Variants in ZYG11A observed in about 807,000 individuals in gnomAD.
ZYG11A encodes zyg-11 family member A, cell cycle regulator, also known as protein zyg-11 homolog A.
Under a neutral mutation model 77.2 loss-of-function variants are expected in ZYG11A, and 62 were observed. That is an observed-to-expected ratio of 0.80 (90% confidence interval 0.65 to 0.99). The LOEUF (loss-of-function observed/expected upper bound fraction) is 0.99, where lower values mean the gene tolerates loss of function less well. Ranked by LOEUF, ZYG11A falls within the 50% of genes least tolerant of loss-of-function variation. ZYG11A has a pLI of 0.00. For missense variants in ZYG11A, 828 were observed against 896.8 expected, an observed-to-expected ratio of 0.92 and a Z score of 0.98; for synonymous variants, 315 against 324.6, an observed-to-expected ratio of 0.97 and a Z score of 0.32.
rs912504029 is a variant in ZYG11A at position 52,864,050 on chromosome 1, C to A, written c.1219C>A (p.Leu407Ile). The A allele has an allele frequency of 1.5e-5, 23 of 1,551,706 alleles. No homozygotes were observed. In the African/African-American group the frequency reaches 2.3e-4, roughly 16 times the overall value. The change falls in exon 5 of 14, where the codon CTC becomes ATC. Residue 407 changes from leucine to isoleucine, a missense_variant. Leu to Ile is a conservative substitution (Grantham distance 5). Transcript: ENST00000371528. ...GCAGTTCACAGCCAGTGCTTGCGCTCTCAACCTAACACGCCAGGGCCTGGC... is the reference window on the plus strand; with the variant it reads ...GCAGTTCACAGCCAGTGCTTGCGCTATCAACCTAACACGCCAGGGCCTGGC... The part of the protein sequence containing the change: ...RVQFTASACA[L>I]NLTRQGLAKG...
At chr1:52,867,958 CTTTTT>C (rs1050261180) in intron 8 of ZYG11A, among the ~76,000 whole-genome samples, 181 bp downstream of exon 8, 1 of 98,178 alleles carries the variant, frequency 1.0e-5, no homozygotes, top group African/African-American at 4.9e-5. Context: ...CTCCACATTT[CTTTTT>C]TTTTTTTTTT....
intron 11 of ZYG11A, among the ~76,000 whole-genome samples, chr1:52,882,549 A>G (rs1465995120): frequency 2.0e-5 from 3 of 152,162 alleles, no homozygotes; most frequent in Admixed American, 6.5e-5. Flanking sequence ...TTGTTGGACC[A>G]TATTCTCCAG....
intron 3 of ZYG11A, among the ~76,000 whole-genome samples, chr1:52,858,177 A>G (rs1645854317): frequency 6.7e-6 from 1 of 149,498 alleles, no homozygotes; most frequent in Admixed American, 6.6e-5. Flanking sequence ...CGGGCAGATC[A>G]CTTGAGGTCA....
chr1:52,850,906 G>C (rs551454956), intron 1 of ZYG11A, among the ~76,000 whole-genome samples: 1 of 152,180 alleles, frequency 6.6e-6, no homozygotes, highest in South Asian at 2.1e-4. Context: ...CTGTTAGTTA[G>C]GTTATTTCAG....
intron 8 of ZYG11A, among the ~76,000 whole-genome samples, chr1:52,875,920 G>C (rs1646253983): frequency 6.6e-6 from 1 of 150,704 alleles, no homozygotes. Context: ...TCAAGTTTGA[G>C]GTGATTCAGT....
chr1:52,854,558 CTG>C lies in ZYG11A; in HGVS notation c.187_188del (p.Cys63ProfsTer27). 6.4e-7 allele frequency: 1 copy of C among 1,551,346 alleles called. No individual in the cohort carries two copies. Among genetic ancestry groups the C allele is most frequent in the East Asian group, 2.4e-5 (1 of 40,910 alleles). Reference sequence around the variant, plus strand: ...GTGTTCTGAAAGACCTGATGGAACACTGTGCCTTCCGGAGCATTGGAGTTTCC... The same window carrying C: ...GTGTTCTGAAAGACCTGATGGAACACTGCCTTCCGGAGCATTGGAGTTTCC... ...KLCSERPDGT[L>X]CLPEHWSFPQ... On this transcript the variant is annotated frameshift_variant, in exon 2 of 14. Coordinates refer to ENST00000371528, the MANE Select transcript of ZYG11A (RefSeq NM_001004339.3). LOFTEE classifies it high-confidence loss of function.
intron 6 of ZYG11A, 142 bp downstream of exon 6, chr1:52,866,709 C>A: frequency 1.9e-6 from 1 of 533,892 alleles, no homozygotes; most frequent in Non-Finnish European, 3.4e-6. Context: ...AAGTACCCTA[C>A]TAGAAAATGT....
At chr1:52,873,635 T>A (rs1374889053) in intron 8 of ZYG11A, among the ~76,000 whole-genome samples, 1 of 152,212 alleles carries the variant, frequency 6.6e-6, no homozygotes, top group Non-Finnish European at 1.5e-5. Context: ...TGACTTATTA[T>A]ATAAACCTGG....
chr1:52,878,030 A>G, intron 10 of ZYG11A, 61 bp downstream of exon 10: 1 of 1,368,028 alleles, frequency 7.3e-7, no homozygotes, highest in Non-Finnish European at 1.0e-6. Flanking sequence ...ACACTTATAT[A>G]GTACCTACTA....
At chr1:52,846,577 A>G (rs1196161144) in intron 1 of ZYG11A, among the ~76,000 whole-genome samples, 2 of 151,250 alleles carry the variant, frequency 1.3e-5, no homozygotes. Context: ...GGTTGAACTC[A>G]TGATCCATCC....
chr1:52,879,786 T>TTTATTTA (rs1321590959), intron 10 of ZYG11A, among the ~76,000 whole-genome samples: 2 of 60,560 alleles, frequency 3.3e-5, no homozygotes, highest in Non-Finnish European at 8.3e-5. Context: ...TTATTTATTT[T>TTTATTTA]TGTCTCGCTC....
chr1:52,857,003 C>G lies in ZYG11A; in HGVS notation c.262C>G (p.Leu88Val). The G allele has an allele frequency of 1.3e-6, 2 of 1,534,054 alleles. No individual in the cohort carries two copies. The highest frequency in any genetic ancestry group is 1.8e-6 in the Non-Finnish European group (2 of 1,136,124). ...FLRVMTWQGK[L>V]TDRTASIFRG... ...TGGTTCTGGTTCTTTCATAGGCAAG[C>G]TGACTGACAGAACAGCCAGCATTTT... Residue 88 changes from leucine to valine, a missense_variant, in exon 3 of 14, where the codon CTG becomes GTG. Transcript: ENST00000371528.
chr1:52,890,255 T>G (rs941005653), intron 13 of ZYG11A, among the ~76,000 whole-genome samples: 1 of 133,368 alleles, frequency 7.5e-6, no homozygotes, highest in Non-Finnish European at 1.6e-5. Flanking sequence ...TTTAGTTTTT[T>G]TTTTTTTTTT....
chr1:52,866,502 G>C lies in ZYG11A; in HGVS notation c.1327-1G>C, dbSNP rs1461614965. On this transcript the variant is annotated splice_acceptor_variant, in intron 5 of 13. Transcript: ENST00000371528. LOFTEE classifies it high-confidence loss of function. The stretch of plus-strand genomic sequence containing the variant: ...AATTATTTTTCTTTATTCTCTAAAA[G>C]TTACAGAAGAATTGTCTTCTCTCCT... The C allele has an allele frequency of 4.0e-6, 6 of 1,482,698 alleles. No individual in the cohort carries two copies. In the African/African-American group the frequency reaches 5.6e-5, roughly 14 times the overall value. 91.8% of individuals were successfully genotyped at this position (1,482,698 alleles called of 1,614,324 possible). A position where few individuals can be genotyped will look rare whatever the true frequency, so the allele number is the denominator to read the frequency against.
chr1:52,874,420 A>T (rs1344110678), intron 8 of ZYG11A, among the ~76,000 whole-genome samples: 1 of 142,998 alleles, frequency 7.0e-6, no homozygotes, highest in African/African-American at 2.6e-5. Flanking sequence ...AATTTTTTAC[A>T]TTTTTTTTTT....
At position 52,881,231 on chromosome 1, in the gene ZYG11A, T is replaced by C. The variant is rs375018987; in HGVS notation, c.1750-240T>C. ...TGAGATAAGGTAGATAAAAAGACAA[T>C]TTTATTTATCTAGTACTGTGCCTGG... On this transcript the variant is annotated intron_variant, in intron 10 of 13. Coordinates refer to ENST00000371528, the MANE Select transcript of ZYG11A (RefSeq NM_001004339.3). 14 of 298,412 alleles carry C rather than the reference T, an allele frequency of 4.7e-5. No individual in the cohort carries two copies. The East Asian group carries it at 5.0e-4, about 11-fold the overall frequency. The allele number at this position is 298,412 out of a possible 1,614,324, so 18.5% of individuals were successfully genotyped here.
In ZYG11A at chr1:52,863,439, TTATCTCCTCCTGTG is replaced by T. The variant is rs1415794144; in HGVS notation, c.1150-539_1150-526del. On this transcript the variant is annotated intron_variant, in intron 4 of 13. Transcript: ENST00000371528. ...TACCCTGTCCATTCTGCCCCTACAT[TTATCTCCTCCTGTG>T]TAAATCCTGAGACTCTGCCTAAATG... Among the ~76,000 whole-genome samples the T allele has an allele frequency of 2.0e-5, 3 of 152,194 alleles. No individual in the cohort carries two copies. The East Asian group carries it at 5.8e-4, about 29-fold the overall frequency.
chr1:52,864,873 G>A (rs1003709524), intron 5 of ZYG11A, among the ~76,000 whole-genome samples: 4 of 149,184 alleles, frequency 2.7e-5, no homozygotes, highest in Non-Finnish European at 4.4e-5. Context: ...GGATGGTCTC[G>A]ATCTCCTGAC....
At chr1:52,874,235 C>T (rs950316770) in intron 8 of ZYG11A, among the ~76,000 whole-genome samples, 1 of 108,606 alleles carries the variant, frequency 9.2e-6, no homozygotes, top group Non-Finnish European at 2.2e-5. Context: ...TTAGCTCTCT[C>T]TCTCTATATA....
Sources: allele counts gnomAD v4.1 joint callset (sites outside exome capture counted in the v4.1 genomes callset), GRCh38; gene constraint gnomAD v4.1.1; transcripts MANE v1.5; gene names NCBI Gene and HGNC (gene_info 2026-07-23, HGNC 2026-07-21).